The following PPFIA2 variants were observed in gnomAD, a reference collection of about 807,000 sequenced individuals.
The protein encoded by PPFIA2 is liprin-alpha-2.
A neutral mutation model predicts 175.5 loss-of-function variants in PPFIA2; 46 were observed. The observed-to-expected ratio is 0.26, with a 90% CI of 0.21 to 0.34. The LOEUF (loss-of-function observed/expected upper bound fraction) is 0.34. Ranked by LOEUF, PPFIA2 falls within the 10% of genes least tolerant of loss-of-function variation. The pLI, the probability that PPFIA2 is intolerant of heterozygous loss-of-function variation, is 1.00. For synonymous variants in PPFIA2, 568 were observed against 511.4 expected, an observed-to-expected ratio of 1.11 and a Z score of -1.49; for missense variants, 1,179 against 1,506.1, an observed-to-expected ratio of 0.78 and a Z score of 3.60.
rs189071057 is a variant in PPFIA2 at position 81,610,313 on chromosome 12, T to C, written c.303+66478A>G. 2.5e-3 allele frequency among the ~76,000 whole-genome samples: 381 copies of C among 152,340 alleles called. 2 individuals carry two copies. Among genetic ancestry groups the C allele is most frequent in the Middle Eastern group, 0.01 (3 of 294 alleles). On this transcript the variant is annotated intron_variant, in intron 4 of 32. Coordinates refer to ENST00000549396, the MANE Select transcript of PPFIA2 (RefSeq NM_003625.5). ...TCTAGTGAGATTAGGAGAATTTTCATGGACTACATTTGCAAATATATTTTC... is the reference window on the plus strand; with the variant it reads ...TCTAGTGAGATTAGGAGAATTTTCACGGACTACATTTGCAAATATATTTTC...
At chr12:81,319,994 T>A (rs955620208) in intron 22 of PPFIA2, among the ~76,000 whole-genome samples, 1 of 151,894 alleles carries the variant, frequency 6.6e-6, no homozygotes, top group East Asian at 1.9e-4. Context: ...GATGGGAAAA[T>A]GTACTCAGAG....
In PPFIA2 at chr12:81,608,702, G is replaced by T. The variant is rs376049230; in HGVS notation, c.303+68089C>A. ...TCTATTTTTTTTCTTTGCTAATATA[G>T]CTAGTAGTATGTCAACCTTGCTTAT... On this transcript the variant is annotated intron_variant, in intron 4 of 32. Coordinates refer to ENST00000549396, the MANE Select transcript of PPFIA2 (RefSeq NM_003625.5). 6.6e-5 allele frequency among the ~76,000 whole-genome samples: 10 copies of T among 151,676 alleles called. No individual in the cohort carries two copies. In the East Asian group the frequency reaches 1.9e-3, roughly 29 times the overall value.
At chr12:81,626,519 G>T (rs1418809148) in intron 4 of PPFIA2, among the ~76,000 whole-genome samples, 2 of 152,028 alleles carry the variant, frequency 1.3e-5, no homozygotes, top group African/African-American at 4.8e-5. Flanking sequence ...GATATGAATA[G>T]AATTTATCTC....
chr12:81,532,931 A>G (rs757863271), intron 4 of PPFIA2, among the ~76,000 whole-genome samples: 1 of 151,662 alleles, frequency 6.6e-6, no homozygotes, highest in Non-Finnish European at 1.5e-5. Context: ...CTTTATCTCA[A>G]CCAAGAAGGC....
chr12:81,402,817 G>A (rs1010974944), intron 8 of PPFIA2, among the ~76,000 whole-genome samples: 2 of 152,070 alleles, frequency 1.3e-5, no homozygotes, highest in African/African-American at 4.8e-5. Flanking sequence ...TCATGCCACT[G>A]CACTACAGCC....
At chr12:81,755,135 G>A (rs909853819) in intron 2 of PPFIA2, among the ~76,000 whole-genome samples, 36 of 152,144 alleles carry the variant, frequency 2.4e-4, no homozygotes, top group African/African-American at 7.7e-4. Flanking sequence ...CATCTCAACC[G>A]CCAATCACAA....
At chr12:81,590,353 A>C (rs1030079717) in intron 4 of PPFIA2, among the ~76,000 whole-genome samples, 1 of 152,174 alleles carries the variant, frequency 6.6e-6, no homozygotes, top group Non-Finnish European at 1.5e-5. Flanking sequence ...ACAAAATGAC[A>C]GAATGTAGAA....
intron 7 of PPFIA2, among the ~76,000 whole-genome samples, chr12:81,422,434 T>G (rs2046441700): frequency 6.6e-6 from 1 of 152,050 alleles, no homozygotes; most frequent in African/African-American, 2.4e-5. Context: ...AAGGGCAGAA[T>G]TTATAATTAA....
At chr12:81,675,231 TAG>T (rs3075479) in intron 4 of PPFIA2, among the ~76,000 whole-genome samples, 36,532 of 150,682 alleles carry the variant, frequency 0.24, 5,206 homozygotes, top group East Asian at 0.49. Flanking sequence ...CATATATATA[TAG>T]AGAGAGAGAG....
intron 5 of PPFIA2, among the ~76,000 whole-genome samples, chr12:81,455,506 G>A (rs2053425602): frequency 6.6e-6 from 1 of 152,078 alleles, no homozygotes; most frequent in African/African-American, 2.4e-5. Flanking sequence ...TATTTTAAAG[G>A]AACTTTGTAT....
In PPFIA2 at chr12:81,317,060, C is replaced by A. The variant is rs148102859; in HGVS notation, c.2642+8717G>T. ...CACATGTAAAATGCATAGAACAGTG[C>A]ATTGCCTAGCACATTACAACTAATC... On this transcript the variant is annotated intron_variant, in intron 22 of 32. Transcript: ENST00000549396. Among the ~76,000 whole-genome samples, 374 of 151,656 alleles carry A rather than the reference C, an allele frequency of 2.5e-3. 1 individual carries two copies. The highest frequency in any genetic ancestry group is 8.3e-3 in the African/African-American group (345 of 41,496).
At chr12:81,625,547 T>C (rs1012249055) in intron 4 of PPFIA2, among the ~76,000 whole-genome samples, 4 of 151,864 alleles carry the variant, frequency 2.6e-5, no homozygotes, top group Admixed American at 1.3e-4. Flanking sequence ...TGATACATTG[T>C]GTAGTATCTA....
intron 4 of PPFIA2, among the ~76,000 whole-genome samples, chr12:81,480,111 C>T (rs1253088047): frequency 1.3e-5 from 2 of 151,990 alleles, no homozygotes; most frequent in Non-Finnish European, 2.9e-5. Flanking sequence ...TGTTGCTTTT[C>T]TTTCTTTTTT....
intron 4 of PPFIA2, among the ~76,000 whole-genome samples, chr12:81,471,891 G>A (rs2056793765): frequency 6.6e-6 from 1 of 152,066 alleles, no homozygotes; most frequent in Non-Finnish European, 1.5e-5. Flanking sequence ...TGATGAACAT[G>A]TTTATTACCT....
chr12:81,712,804 G>T (rs938756671), intron 3 of PPFIA2, among the ~76,000 whole-genome samples: 17 of 148,770 alleles, frequency 1.1e-4, no homozygotes, highest in African/African-American at 4.2e-4. Flanking sequence ...TTTCAATTGT[G>T]CTGTCTTTAA....
At chr12:81,713,188 G>A (rs2078175275) in intron 3 of PPFIA2, among the ~76,000 whole-genome samples, 1 of 151,014 alleles carries the variant, frequency 6.6e-6, no homozygotes, top group African/African-American at 2.4e-5. Flanking sequence ...GGGTCTGATT[G>A]AATGCTAAGA....
At chr12:81,419,488 C>T (rs1247920793) in intron 7 of PPFIA2, among the ~76,000 whole-genome samples, 2 of 151,840 alleles carry the variant, frequency 1.3e-5, no homozygotes, top group Admixed American at 1.3e-4. Flanking sequence ...CTTGTATACA[C>T]GTTTTGATTT....
At chr12:81,322,991 G>A (rs1473613165) in intron 22 of PPFIA2, among the ~76,000 whole-genome samples, 1 of 152,108 alleles carries the variant, frequency 6.6e-6, no homozygotes, top group Non-Finnish European at 1.5e-5. Flanking sequence ...TTACTGGATG[G>A]TAAGTGTGCC....
intron 23 of PPFIA2, among the ~76,000 whole-genome samples, chr12:81,298,658 G>A (rs755722976): frequency 4.6e-5 from 7 of 152,140 alleles, no homozygotes; most frequent in African/African-American, 1.2e-4. Context: ...ATGTAGTTCC[G>A]TCAATGTCAA....
Sources: allele counts gnomAD v4.1 joint callset (sites outside exome capture counted in the v4.1 genomes callset), GRCh38; gene constraint gnomAD v4.1.1; transcripts MANE v1.5; gene names NCBI Gene and HGNC (gene_info 2026-07-23, HGNC 2026-07-21).